Variants in MINDY2 observed in about 807,000 individuals in gnomAD.
The protein encoded by MINDY2 is MINDY lysine 48 deubiquitinase 2.
Under a neutral mutation model 68.2 loss-of-function variants are expected in MINDY2, and 52 were observed. The observed-to-expected ratio is 0.76, with a 90% CI of 0.61 to 0.96. The LOEUF (loss-of-function observed/expected upper bound fraction) is 0.96, where lower values mean the gene tolerates loss of function less well. Among genes scored for constraint, MINDY2 ranks in the 40% least tolerant of loss-of-function variants. The probability of loss-of-function intolerance (pLI) is 0.00; values close to 1 mark genes in which losing one functional copy is unlikely to be tolerated. For missense variants in MINDY2, 881 were observed against 773.4 expected (o/e 1.14, Z -1.65); for synonymous variants, 372 against 303.0 (o/e 1.23, Z -2.36).
chr15:58,793,685 G>C (rs1380250612), intron 2 of MINDY2, among the ~76,000 whole-genome samples: 1 of 152,116 alleles, frequency 6.6e-6, no homozygotes, highest in Non-Finnish European at 1.5e-5. Flanking sequence ...TTCATCCATG[G>C]TAATAGGAGG....
intron 2 of MINDY2, among the ~76,000 whole-genome samples, chr15:58,801,837 T>A (rs1226793816): frequency 6.6e-6 from 1 of 152,110 alleles, no homozygotes; most frequent in African/African-American, 2.4e-5. Flanking sequence ...TTGGCCAGGC[T>A]GAACTCCTGA....
At chr15:58,840,358 T>C (rs1281585195) in intron 6 of MINDY2, among the ~76,000 whole-genome samples, 1 of 152,190 alleles carries the variant, frequency 6.6e-6, no homozygotes, top group East Asian at 1.9e-4. Context: ...TGTGGTTTAC[T>C]GTTGCTAAAT....
At chr15:58,813,918 T>C (rs559817883) in intron 4 of MINDY2, among the ~76,000 whole-genome samples, 8 of 148,474 alleles carry the variant, frequency 5.4e-5, no homozygotes, top group Admixed American at 1.4e-4. Flanking sequence ...CATTGTAGTT[T>C]TAACTTGCAT....
intron 1 of MINDY2, among the ~76,000 whole-genome samples, chr15:58,778,718 C>G (rs1900935241): frequency 6.6e-6 from 1 of 151,820 alleles, no homozygotes; most frequent in African/African-American, 2.4e-5. Context: ...CCTCGACCTC[C>G]CGAGCTCAAG....
chr15:58,855,538 A>C lies in MINDY2; in HGVS notation c.*928A>C, dbSNP rs2033030646. Reference sequence around the variant, plus strand: ...TTTAAGTCATGTTCATTGCTAGAAAATTAAATGTACTTATTAAAACCAATG... The same window carrying C: ...TTTAAGTCATGTTCATTGCTAGAAACTTAAATGTACTTATTAAAACCAATG... On this transcript the variant is annotated 3_prime_UTR_variant, in exon 9 of 9. Transcript: ENST00000559228. The C allele has an allele frequency of 6.5e-6, 1 of 152,684 alleles. No individual in the cohort carries two copies. The highest frequency in any genetic ancestry group is 1.5e-5 in the Non-Finnish European group (1 of 68,050). The allele number at this position is 152,684 out of a possible 1,614,324, so 9.5% of individuals were successfully genotyped here.
At chr15:58,848,945 C>T (rs1265422428) in intron 7 of MINDY2, among the ~76,000 whole-genome samples, 2 of 152,138 alleles carry the variant, frequency 1.3e-5, no homozygotes, top group African/African-American at 4.8e-5. Context: ...CAAGGTGGCT[C>T]ACACCTATAA....
At chr15:58,815,946 G>A (rs527303463) in intron 4 of MINDY2, among the ~76,000 whole-genome samples, 1 of 152,250 alleles carries the variant, frequency 6.6e-6, no homozygotes, top group South Asian at 2.1e-4. Context: ...CCAAAGTGCT[G>A]GGATTACAGG....
intron 1 of MINDY2, among the ~76,000 whole-genome samples, chr15:58,777,898 C>T (rs1253043674): frequency 6.6e-6 from 1 of 151,952 alleles, no homozygotes; most frequent in Admixed American, 6.6e-5. Flanking sequence ...AAATGTATGA[C>T]TTAGAATACA....
At chr15:58,796,812 T>A (rs1248755175) in intron 2 of MINDY2, among the ~76,000 whole-genome samples, 1 of 152,228 alleles carries the variant, frequency 6.6e-6, no homozygotes. Flanking sequence ...CATTAGCCAC[T>A]GCACCTGGCC....
chr15:58,816,640 A>T (rs1421699604), intron 4 of MINDY2, among the ~76,000 whole-genome samples: 2 of 151,968 alleles, frequency 1.3e-5, no homozygotes, highest in African/African-American at 4.8e-5. Flanking sequence ...GCCTAAAAAG[A>T]TCACTATACA....
chr15:58,831,700 C>A, intron 5 of MINDY2, 74 bp from the exon 6 acceptor site: 1 of 1,398,844 alleles, frequency 7.1e-7, no homozygotes, highest in South Asian at 1.4e-5. Flanking sequence ...TTGGAACACA[C>A]TTTAAATAGA....
chr15:58,800,678 G>C lies in MINDY2; in HGVS notation c.899-1635G>C, dbSNP rs1477178864. On this transcript the variant is annotated intron_variant, in intron 2 of 8. Coordinates refer to ENST00000559228, the MANE Select transcript of MINDY2 (RefSeq NM_001040450.3). Reference sequence around the variant, plus strand: ...TCCAGTTTAGCTTTTTTTTTTTTTTGAAACGATTAGCCAGGTGTGGTGGTG... The same window carrying C: ...TCCAGTTTAGCTTTTTTTTTTTTTTCAAACGATTAGCCAGGTGTGGTGGTG... Among the ~76,000 whole-genome samples the C allele has an allele frequency of 3.0e-5, 3 of 98,772 alleles. No homozygotes were observed. In the Admixed American group the frequency reaches 3.1e-4, roughly 10 times the overall value. 64.8% of individuals were successfully genotyped at this position (98,772 alleles called of 152,430 possible). A position where few individuals can be genotyped will look rare whatever the true frequency, so the allele number is the denominator to read the frequency against.
chr15:58,774,493 A>G (rs1182931176), intron 1 of MINDY2, among the ~76,000 whole-genome samples: 5 of 79,464 alleles, frequency 6.3e-5, no homozygotes, highest in African/African-American at 3.8e-4. Context: ...CCAAAAAAAG[A>G]AAAAAAAAAA....
At chr15:58,831,745 C>G in intron 5 of MINDY2, 29 bp from the exon 6 acceptor site, 1 of 1,554,204 alleles carries the variant, frequency 6.4e-7, no homozygotes, top group Non-Finnish European at 8.7e-7. Flanking sequence ...AATTATTCTT[C>G]TATCTAATGT....
In MINDY2 at chr15:58,845,692, C is replaced by G. The variant is rs563227587; in HGVS notation, c.1369-1605C>G. ...GTTATACAATCCGGCAATCCCACTC[C>G]TAAGAATATACTCAAAAGAAAGGAA... is the stretch of plus-strand genomic sequence containing the variant. On this transcript the variant is annotated intron_variant, in intron 6 of 8. Coordinates refer to ENST00000559228, the MANE Select transcript of MINDY2 (RefSeq NM_001040450.3). Among the ~76,000 whole-genome samples the G allele has an allele frequency of 3.9e-5, 6 of 152,252 alleles. No individual in the cohort carries two copies. In the South Asian group the frequency reaches 1.2e-3, roughly 32 times the overall value.
At chr15:58,819,316 C>T (rs576833554) in intron 4 of MINDY2, among the ~76,000 whole-genome samples, 2 of 152,094 alleles carry the variant, frequency 1.3e-5, no homozygotes, top group East Asian at 1.9e-4. Context: ...GGTGTGGTGG[C>T]GTCTGCCTGT....
At chr15:58,828,359 A>C (rs1419214636) in intron 5 of MINDY2, among the ~76,000 whole-genome samples, 4 of 152,254 alleles carry the variant, frequency 2.6e-5, no homozygotes, top group South Asian at 2.1e-4. Context: ...ACTAAGCTTA[A>C]ATTTGAACAC....
Position 58,771,715 on chromosome 15 carries a change from A to T in MINDY2, c.320A>T (p.Lys107Met). The change falls in exon 1 of 9, where the codon AAG becomes ATG. Residue 107 changes from lysine (K) to methionine (M), a missense_variant. Lys to Met is a moderately conservative substitution (Grantham distance 95). Transcript: ENST00000559228. ...AAEAPLRGQY[K>M]VTASPETAVA... ...GAGGCGCCTCTGAGAGGGCAGTACA[A>T]GGTGACCGCCTCCCCGGAGACAGCC... is the stretch of plus-strand genomic sequence containing the variant. The T allele has an allele frequency of 6.2e-7, 1 of 1,612,186 alleles. No individual in the cohort carries two copies. The highest frequency in any genetic ancestry group is 1.7e-4 in the Middle Eastern group (1 of 5,964).
At chr15:58,797,523 A>C (rs1902362963) in intron 2 of MINDY2, among the ~76,000 whole-genome samples, 1 of 152,150 alleles carries the variant, frequency 6.6e-6, no homozygotes, top group Non-Finnish European at 1.5e-5. Context: ...AACAAACAAA[A>C]AAGATTAATT....
Sources: allele counts gnomAD v4.1 joint callset (sites outside exome capture counted in the v4.1 genomes callset), GRCh38; gene constraint gnomAD v4.1.1; transcripts MANE v1.5; gene names NCBI Gene and HGNC (gene_info 2026-07-23, HGNC 2026-07-21).